RBMS3: variants seen among roughly 807,000 people sequenced by gnomAD.
RBMS3 encodes RNA binding motif single stranded interacting protein 3.
RBMS3 carries 27 observed loss-of-function variants against 66.8 expected under a neutral mutation model. The ratio of observed to expected loss-of-function variants is 0.40; its 90% CI spans 0.30 to 0.56. RBMS3 has a LOEUF of 0.56. Ranked by LOEUF, RBMS3 falls within the 20% of genes least tolerant of loss-of-function variation. RBMS3 has a pLI of 0.40. For missense variants in RBMS3, 513 were observed against 549.5 expected (o/e 0.93, Z 0.66); for synonymous variants, 188 against 183.0 (o/e 1.03, Z -0.22).
intron 2 of RBMS3, among the ~76,000 whole-genome samples, chr3:29,462,143 A>C (rs559519775): frequency 6.6e-6 from 1 of 152,180 alleles, no homozygotes; most frequent in Non-Finnish European, 1.5e-5. Flanking sequence ...ACATGATAAA[A>C]TGTGAAGAAT....
At chr3:29,877,251 G>A (rs1440014383) in intron 7 of RBMS3, among the ~76,000 whole-genome samples, 1 of 152,150 alleles carries the variant, frequency 6.6e-6, no homozygotes, top group Non-Finnish European at 1.5e-5. Context: ...CAGTAAAGGA[G>A]AGAGATAAAA....
chr3:29,679,304 A>C (rs1576504956), intron 4 of RBMS3, among the ~76,000 whole-genome samples: 1 of 152,316 alleles, frequency 6.6e-6, no homozygotes, highest in Non-Finnish European at 1.5e-5. Flanking sequence ...ACAACCAAAA[A>C]GCAGAGTAAA....
rs1294126975 is a variant in RBMS3 at position 29,691,949 on chromosome 3, A to ATTT, written c.400-47755_400-47753dup. Among the ~76,000 whole-genome samples the ATTT allele has an allele frequency of 1.2e-3, 78 of 64,990 alleles. 11 individuals carry two copies. The highest frequency in any genetic ancestry group is 3.4e-3 in the African/African-American group (55 of 16,350). 42.6% of individuals were successfully genotyped at this position (64,990 alleles called of 152,430 possible). A position where few individuals can be genotyped will look rare whatever the true frequency, so the allele number is the denominator to read the frequency against. On this transcript the variant is annotated intron_variant, in intron 4 of 14. Coordinates refer to ENST00000383767, the MANE Select transcript of RBMS3 (RefSeq NM_001003793.3). ...GTGACCCTTCTCTCTCTCTCTCTCT[A>ATTT]TTTTTTTTTTTTTTTTTTGAGATGG...
intron 3 of RBMS3, among the ~76,000 whole-genome samples, chr3:29,559,148 G>A (rs1425630339): frequency 6.6e-6 from 1 of 151,938 alleles, no homozygotes; most frequent in Non-Finnish European, 1.5e-5. Flanking sequence ...ATTATCTCTA[G>A]ACTATATCCT....
chr3:29,496,238 G>A (rs1162592230), intron 3 of RBMS3, among the ~76,000 whole-genome samples: 5 of 147,842 alleles, frequency 3.4e-5, no homozygotes, highest in Non-Finnish European at 1.5e-5. Context: ...ACAAAAAAAA[G>A]TTATATTTTA....
At chr3:29,881,989 C>T (rs1301663476) in intron 7 of RBMS3, among the ~76,000 whole-genome samples, 3 of 152,114 alleles carry the variant, frequency 2.0e-5, no homozygotes, top group Non-Finnish European at 2.9e-5. Context: ...GACTATCATC[C>T]TAAATCTCTC....
intron 4 of RBMS3, among the ~76,000 whole-genome samples, chr3:29,602,931 A>C (rs1218260565): frequency 6.6e-6 from 1 of 151,996 alleles, no homozygotes; most frequent in Non-Finnish European, 1.5e-5. Context: ...CCTTGGGAAA[A>C]TCTTACTGAC....
intron 4 of RBMS3, among the ~76,000 whole-genome samples, chr3:29,633,512 G>T (rs2049358745): frequency 6.6e-6 from 1 of 151,728 alleles, no homozygotes; most frequent in African/African-American, 2.4e-5. Flanking sequence ...CTATCTTGGG[G>T]ACCTGGATCT....
intron 12 of RBMS3, among the ~76,000 whole-genome samples, chr3:29,982,297 A>G (rs997647611): frequency 6.6e-6 from 1 of 152,108 alleles, no homozygotes; most frequent in African/African-American, 2.4e-5. Context: ...TATGGTGTCT[A>G]TATGATTCTT....
At chr3:29,809,745 A>C (rs2057673799) in intron 6 of RBMS3, among the ~76,000 whole-genome samples, 1 of 152,002 alleles carries the variant, frequency 6.6e-6, no homozygotes, top group Non-Finnish European at 1.5e-5. Flanking sequence ...AAGTCTGATG[A>C]CTATGATGAT....
At chr3:29,579,376 G>C (rs1053542731) in intron 3 of RBMS3, among the ~76,000 whole-genome samples, 1 of 152,164 alleles carries the variant, frequency 6.6e-6, no homozygotes, top group African/African-American at 2.4e-5. Context: ...TTGTCCTCCA[G>C]TTGATACACT....
chr3:29,577,657 G>T (rs1304125293), intron 3 of RBMS3, among the ~76,000 whole-genome samples: 1 of 152,164 alleles, frequency 6.6e-6, no homozygotes, highest in Admixed American at 6.5e-5. Flanking sequence ...GTGGGCATTG[G>T]CTGAGCCCAG....
intron 6 of RBMS3, among the ~76,000 whole-genome samples, chr3:29,798,225 T>C (rs986428066): frequency 3.6e-5 from 5 of 140,204 alleles, no homozygotes; most frequent in Non-Finnish European, 7.6e-5. Context: ...GACCAAGGTA[T>C]GACACAGAGG....
intron 10 of RBMS3, among the ~76,000 whole-genome samples, chr3:29,931,922 A>G (rs2061138329): frequency 6.6e-6 from 1 of 152,244 alleles, no homozygotes; most frequent in Non-Finnish European, 1.5e-5. Context: ...TTTTGTGTGA[A>G]TAACTATAGG....
chr3:29,506,092 G>A (rs552067954), intron 3 of RBMS3, among the ~76,000 whole-genome samples: 2 of 151,374 alleles, frequency 1.3e-5, no homozygotes, highest in African/African-American at 2.4e-5. Context: ...AATTGTTCTC[G>A]CTAGGGGACG....
chr3:29,329,671 A>G (rs1333557447), intron 1 of RBMS3, among the ~76,000 whole-genome samples: 1 of 151,896 alleles, frequency 6.6e-6, no homozygotes. Flanking sequence ...AAGTATTTTG[A>G]TGTGCCATGC....
intron 1 of RBMS3, among the ~76,000 whole-genome samples, chr3:29,375,422 C>T (rs544048396): frequency 9.9e-5 from 15 of 152,150 alleles, no homozygotes; most frequent in African/African-American, 3.1e-4. Context: ...AGACAACCTA[C>T]GGAATGGGAG....
At chr3:29,507,117 G>T (rs2044211538) in intron 3 of RBMS3, among the ~76,000 whole-genome samples, 1 of 144,856 alleles carries the variant, frequency 6.9e-6, no homozygotes. Context: ...TGCTAACTTT[G>T]GCCTTAATTT....
intron 3 of RBMS3, among the ~76,000 whole-genome samples, chr3:29,529,560 C>T (rs1333521734): frequency 1.3e-5 from 2 of 152,012 alleles, no homozygotes; most frequent in African/African-American, 4.8e-5. Context: ...AGCAGAAACT[C>T]AGATATACAT....
Sources: gnomAD v4.1 joint callset for allele counts (sites outside exome capture counted in the v4.1 genomes callset) on GRCh38, gnomAD v4.1.1 for gene constraint, MANE v1.5 for transcripts, NCBI Gene and HGNC (gene_info 2026-07-23, HGNC 2026-07-21) for gene names.